Variants in TCF4 observed in about 807,000 individuals in gnomAD.
The protein encoded by TCF4 is SL3-3 enhancer factor 2.
TCF4 carries 3 observed loss-of-function variants against 82.1 expected under a neutral mutation model. The ratio of observed to expected loss-of-function variants is 0.04; its 90% CI spans 0.02 to 0.09. The LOEUF (loss-of-function observed/expected upper bound fraction) is 0.09. Among genes scored for constraint, TCF4 ranks in the 10% least tolerant of loss-of-function variants. The probability of loss-of-function intolerance (pLI) is 1.00; values close to 1 mark genes in which losing one functional copy is unlikely to be tolerated. For synonymous variants in TCF4, 276 were observed against 309.6 expected, an observed-to-expected ratio of 0.89 and a Z score of 1.14; for missense variants, 518 against 852.7, an observed-to-expected ratio of 0.61 and a Z score of 4.89.
chr18:55,392,838 C>T (rs1012310174), intron 6 of TCF4, among the ~76,000 whole-genome samples: 2 of 152,036 alleles, frequency 1.3e-5, no homozygotes, highest in Non-Finnish European at 1.5e-5. Context: ...ATATAGTGGG[C>T]AACTTGTCTT....
At chr18:55,398,373 T>C (rs1269852234) in intron 6 of TCF4, among the ~76,000 whole-genome samples, 1 of 152,184 alleles carries the variant, frequency 6.6e-6, no homozygotes, top group African/African-American at 2.4e-5. Flanking sequence ...CACTGCTACA[T>C]TTCAATGTTC....
At position 55,276,748 on chromosome 18, in the gene TCF4, A is replaced by G. The variant is rs148008781; in HGVS notation, c.656-996T>C. 4.5e-4 allele frequency among the ~76,000 whole-genome samples: 68 copies of G among 152,326 alleles called. 1 individual carries two copies. The highest frequency in any genetic ancestry group is 1.6e-3 in the African/African-American group (66 of 41,580). ...CAGCTGGCTGTTAAATGTATAGCAG[A>G]TATTGCTTCCTTGAAAATAAGATTA... On this transcript the variant is annotated intron_variant, in intron 9 of 19. Coordinates refer to ENST00000354452, the MANE Select transcript of TCF4 (RefSeq NM_001083962.2).
intron 9 of TCF4, among the ~76,000 whole-genome samples, chr18:55,279,171 C>T (rs2062034055): frequency 1.3e-5 from 2 of 152,086 alleles, no homozygotes; most frequent in Admixed American, 1.3e-4. Flanking sequence ...CAACTTGTTC[C>T]CAGTTGGCTA....
intron 8 of TCF4, among the ~76,000 whole-genome samples, chr18:55,318,246 G>A (rs2074636448): frequency 6.6e-6 from 1 of 152,044 alleles, no homozygotes; most frequent in Non-Finnish European, 1.5e-5. Context: ...CAATGAACAT[G>A]CAAGAAGCCA....
Position 55,588,018 on chromosome 18 carries a change from C to A in TCF4, c.-21+20G>T. ...CCGGGCGCCTCCGCCCCGCCGAGCC[C>A]CGCAGGCGCCGGTACCTACCGCCCG... On this transcript the variant is annotated intron_variant, in intron 1 of 19. Coordinates refer to ENST00000354452, the MANE Select transcript of TCF4 (RefSeq NM_001083962.2). 2.0e-6 allele frequency: 2 copies of A among 981,322 alleles called. No homozygotes were observed. Among genetic ancestry groups the A allele is most frequent in the Non-Finnish European group, 1.2e-6 (1 of 828,106 alleles). 60.8% of individuals were successfully genotyped at this position (981,322 alleles called of 1,614,324 possible). A position where few individuals can be genotyped will look rare whatever the true frequency, so the allele number is the denominator to read the frequency against.
In TCF4 at chr18:55,468,889, C is replaced by A. The variant is rs960345338; in HGVS notation, c.146-4752G>T. Among the ~76,000 whole-genome samples the A allele has an allele frequency of 2.1e-4, 27 of 126,792 alleles. 1 individual carries two copies. The South Asian group carries it at 2.3e-3, about 11-fold the overall frequency. 83.2% of individuals were successfully genotyped at this position (126,792 alleles called of 152,430 possible). A position where few individuals can be genotyped will look rare whatever the true frequency, so the allele number is the denominator to read the frequency against. ...GAATCTATTTAGTTCTCGCCCCCCC[C>A]CCCCTTGTTCTATTGCCACCCTTTT... On this transcript the variant is annotated intron_variant, in intron 3 of 19. Transcript: ENST00000354452.
intron 5 of TCF4, among the ~76,000 whole-genome samples, chr18:55,406,916 A>G (rs1413281453): frequency 6.6e-6 from 1 of 152,230 alleles, no homozygotes; most frequent in Admixed American, 6.5e-5. Context: ...CACAAAGACA[A>G]TGGTGGCAGT....
At chr18:55,275,886 A>G in intron 9 of TCF4, 134 bp from the exon 10 acceptor site, 1 of 1,112,506 alleles carries the variant, frequency 9.0e-7, no homozygotes, top group South Asian at 1.3e-5. Context: ...ATTACATCAG[A>G]AGACAGTCAT....
chr18:55,501,380 C>T (rs1472883970), intron 3 of TCF4, among the ~76,000 whole-genome samples: 3 of 151,906 alleles, frequency 2.0e-5, no homozygotes, highest in East Asian at 1.9e-4. Flanking sequence ...TTATTTTTAA[C>T]GGCTTTGTTT....
intron 6 of TCF4, among the ~76,000 whole-genome samples, chr18:55,372,488 G>A (rs1010180974): frequency 2.6e-5 from 4 of 151,946 alleles, no homozygotes; most frequent in Admixed American, 2.6e-4. Context: ...ACAGAAAAAG[G>A]GGATACAAGA....
At chr18:55,489,045 G>A (rs1169933179) in intron 3 of TCF4, among the ~76,000 whole-genome samples, 1 of 152,080 alleles carries the variant, frequency 6.6e-6, no homozygotes, top group Non-Finnish European at 1.5e-5. Context: ...GGGGACACAT[G>A]ACAGAGGCTG....
chr18:55,237,876 C>T (rs2050009515), intron 15 of TCF4, among the ~76,000 whole-genome samples: 2 of 152,182 alleles, frequency 1.3e-5, no homozygotes, highest in South Asian at 4.1e-4. Context: ...TTTCTGGTCA[C>T]ATAAGAGACA....
At chr18:55,251,137 C>T (rs576812621) in intron 15 of TCF4, among the ~76,000 whole-genome samples, 2 of 152,124 alleles carry the variant, frequency 1.3e-5, no homozygotes, top group Non-Finnish European at 2.9e-5. Flanking sequence ...AAGAGCTCAA[C>T]ATAAGGCTTT....
chr18:55,420,209 G>A (rs1029618586), intron 5 of TCF4, among the ~76,000 whole-genome samples: 2 of 152,060 alleles, frequency 1.3e-5, no homozygotes, highest in African/African-American at 4.8e-5. Flanking sequence ...TTTCAAAAAC[G>A]TTTCCCTAAA....
chr18:55,578,666 T>C (rs765637823), intron 3 of TCF4, among the ~76,000 whole-genome samples: 43 of 152,018 alleles, frequency 2.8e-4, no homozygotes, highest in Admixed American at 6.6e-4. Flanking sequence ...TTAGAGGCAA[T>C]GTCAGCATCA....
intron 2 of TCF4, among the ~76,000 whole-genome samples, chr18:55,622,318 C>T (rs1438214247): frequency 6.6e-6 from 1 of 150,630 alleles, no homozygotes; most frequent in Non-Finnish European, 1.5e-5. Flanking sequence ...ACCATCCTGC[C>T]CAACAGGGTG....
chr18:55,428,295 T>C (rs540426849), intron 5 of TCF4, among the ~76,000 whole-genome samples: 6 of 152,332 alleles, frequency 3.9e-5, no homozygotes, highest in East Asian at 1.9e-4. Flanking sequence ...TTGTTCTCAA[T>C]TGAATGTCTT....
At chr18:55,236,060 C>T (rs1397702981) in intron 15 of TCF4, among the ~76,000 whole-genome samples, 2 of 65,112 alleles carry the variant, frequency 3.1e-5, no homozygotes, top group Non-Finnish European at 5.4e-5. Context: ...TTTTTATATT[C>T]ATGTGTGCAT....
chr18:55,476,942 T>C (rs1009428170), intron 3 of TCF4, among the ~76,000 whole-genome samples: 4 of 152,220 alleles, frequency 2.6e-5, no homozygotes, highest in Admixed American at 2.6e-4. Flanking sequence ...TGCATGTGCC[T>C]GTGTGTGTAA....
Sources: gnomAD v4.1 joint callset for allele counts (sites outside exome capture counted in the v4.1 genomes callset) on GRCh38, gnomAD v4.1.1 for gene constraint, MANE v1.5 for transcripts, NCBI Gene and HGNC (gene_info 2026-07-23, HGNC 2026-07-21) for gene names.